Variants in CNR2 observed in about 807,000 individuals in gnomAD.
CNR2 encodes the protein cannabinoid receptor 2 (macrophage).
For missense variants in CNR2, 379 were observed against 439.9 expected (o/e 0.86, Z 1.24); for synonymous variants, 172 against 182.2 (o/e 0.94, Z 0.45).
In CNR2 at chr1:23,896,213, G is replaced by C. The variant is rs1477535799; in HGVS notation, c.-46+17033C>G. ...TTCCCCACCTTACTGGTGGAGTCTGGACCTTCTCACCGACAAGGATTTACC... is the reference window on the plus strand; with the variant it reads ...TTCCCCACCTTACTGGTGGAGTCTGCACCTTCTCACCGACAAGGATTTACC... On this transcript the variant is annotated intron_variant, in intron 1 of 1. Transcript: ENST00000374472. Among the ~76,000 whole-genome samples the C allele has an allele frequency of 2.0e-5, 3 of 152,110 alleles. No individual in the cohort carries two copies. In the East Asian group the frequency reaches 5.8e-4, roughly 29 times the overall value.
Position 23,889,323 on chromosome 1 carries a change from C to T in CNR2, c.-45-13661G>A, listed in dbSNP as rs114526930. 5.3e-3 allele frequency among the ~76,000 whole-genome samples: 800 copies of T among 152,274 alleles called. 5 individuals are homozygous for T. The highest frequency in any genetic ancestry group is 0.017 in the African/African-American group (700 of 41,546). ...GGTAAGGAAGAGAATGATACCCTGCCTGTGGCTACCACACCTACAGTGGGA... is the reference window on the plus strand; with the variant it reads ...GGTAAGGAAGAGAATGATACCCTGCTTGTGGCTACCACACCTACAGTGGGA... On this transcript the variant is annotated intron_variant, in intron 1 of 1. Coordinates refer to ENST00000374472, the MANE Select transcript of CNR2 (RefSeq NM_001841.3).
At chr1:23,878,634 C>T (rs1157835198) in intron 1 of CNR2, among the ~76,000 whole-genome samples, 1 of 152,196 alleles carries the variant, frequency 6.6e-6, no homozygotes, top group African/African-American at 2.4e-5. Flanking sequence ...CCACCTCGGC[C>T]TCCCAAAGTG....
intron 1 of CNR2, among the ~76,000 whole-genome samples, chr1:23,886,188 C>A (rs1173997858): frequency 1.9e-3 from 242 of 130,318 alleles, no homozygotes; most frequent in Non-Finnish European, 2.2e-3. Context: ...GACTCTATTT[C>A]AAAAAAAAAA....
chr1:23,885,397 G>A (rs1463039786), intron 1 of CNR2, among the ~76,000 whole-genome samples: 2 of 152,170 alleles, frequency 1.3e-5, no homozygotes, highest in African/African-American at 4.8e-5. Flanking sequence ...ATCCTACCCA[G>A]TGACCTCTTT....
At chr1:23,895,510 T>TTC (rs1269366870) in intron 1 of CNR2, among the ~76,000 whole-genome samples, 1 of 152,092 alleles carries the variant, frequency 6.6e-6, no homozygotes, top group Non-Finnish European at 1.5e-5. Context: ...GTCCTTTTTT[T>TTC]TCTCTCTCTT....
intron 1 of CNR2, among the ~76,000 whole-genome samples, chr1:23,890,359 C>T (rs1442211649): frequency 2.6e-5 from 4 of 151,716 alleles, no homozygotes; most frequent in Admixed American, 2.0e-4. Flanking sequence ...GCAGATAGAA[C>T]AATCCCTACT....
At chr1:23,893,968 A>G (rs1392026471) in intron 1 of CNR2, among the ~76,000 whole-genome samples, 1 of 151,988 alleles carries the variant, frequency 6.6e-6, no homozygotes, top group African/African-American at 2.4e-5. Context: ...AAAAAATACA[A>G]AAATTAGCTG....
chr1:23,874,361 G>T lies in CNR2; in HGVS notation c.*174C>A. The T allele has an allele frequency of 1.4e-6, 1 of 692,300 alleles. No homozygotes were observed. The highest frequency in any genetic ancestry group is 1.9e-5 in the South Asian group (1 of 53,138). 42.9% of individuals were successfully genotyped at this position (692,300 alleles called of 1,614,324 possible). A position where few individuals can be genotyped will look rare whatever the true frequency, so the allele number is the denominator to read the frequency against. On this transcript the variant is annotated 3_prime_UTR_variant, in exon 2 of 2. Transcript: ENST00000374472. ...CTATCCAACAGACTGTGTGCAGGTGGGCAAGGCCAGGCTGTCTTCCAGGAG... is the reference window on the plus strand; with the variant it reads ...CTATCCAACAGACTGTGTGCAGGTGTGCAAGGCCAGGCTGTCTTCCAGGAG...
Position 23,873,226 on chromosome 1 carries a change from AC to A in CNR2, c.*1308del. 1 of 146,434 alleles carries A rather than the reference AC, an allele frequency of 6.8e-6. No homozygotes were observed. Among genetic ancestry groups the A allele is most frequent in the South Asian group, 2.3e-4 (1 of 4,400 alleles). 9.1% of individuals were successfully genotyped at this position (146,434 alleles called of 1,614,324 possible). On this transcript the variant is annotated 3_prime_UTR_variant, in exon 2 of 2. Coordinates refer to ENST00000374472, the MANE Select transcript of CNR2 (RefSeq NM_001841.3). ...AGCCTCCCTCATATGAAAAATGAGT[AC>A]CCTGGGATCTATTTTATTTTATTTT... is the stretch of plus-strand genomic sequence containing the variant.
chr1:23,909,954 A>G (rs1004122789), intron 1 of CNR2, among the ~76,000 whole-genome samples: 13 of 149,672 alleles, frequency 8.7e-5, no homozygotes, highest in Non-Finnish European at 1.5e-4. Flanking sequence ...GACTGTGGAC[A>G]AGTCTCTCTC....
intron 1 of CNR2, among the ~76,000 whole-genome samples, chr1:23,884,083 G>GTTTTTA (rs1299812323): frequency 1.3e-5 from 2 of 151,102 alleles, no homozygotes; most frequent in African/African-American, 4.9e-5. Flanking sequence ...GTCTTTTTTT[G>GTTTTTA]TTTTTGTTTT....
At position 23,872,132 on chromosome 1, in the gene CNR2, CAAAAAAAAAAAA is replaced by C. The variant is rs60331310; in HGVS notation, c.*2391_*2402del. The C allele has an allele frequency of 6.5e-5, 3 of 46,414 alleles. No homozygotes were observed. The highest frequency in any genetic ancestry group is 3.9e-4 in the Admixed American group (1 of 2,532). 2.9% of individuals were successfully genotyped at this position (46,414 alleles called of 1,614,324 possible). A position where few individuals can be genotyped will look rare whatever the true frequency, so the allele number is the denominator to read the frequency against. The stretch of plus-strand genomic sequence containing the variant: ...TGGACAACAGAATGAGATTCCGTCT[CAAAAAAAAAAAA>C]AAAAAAAAAAAAGACACCAAGAGAC... On this transcript the variant is annotated 3_prime_UTR_variant, in exon 2 of 2. Coordinates refer to ENST00000374472, the MANE Select transcript of CNR2 (RefSeq NM_001841.3).
intron 1 of CNR2, among the ~76,000 whole-genome samples, chr1:23,882,577 G>A (rs974265825): frequency 1.3e-5 from 2 of 151,408 alleles, no homozygotes; most frequent in Admixed American, 6.6e-5. Flanking sequence ...AGGCCAAGGC[G>A]GGTGGATCAC....
In CNR2 at chr1:23,874,931, C is replaced by G; in HGVS notation, c.687G>C (p.Arg229Ser). The part of the protein sequence containing the change: ...HVASLSGHQD[R>S]QVPGMARMRL... ...TCATTCGGGCCATTCCTGGCACCTG[C>G]CTGTCCTGGTGGCCAGACAAGCTGG... The change falls in exon 2 of 2, where the codon AGG (arginine) becomes AGC (serine). Residue 229 changes from arginine (R) to serine (S), a missense_variant. Arg to Ser is a moderately radical substitution (Grantham distance 110). Coordinates refer to ENST00000374472, the MANE Select transcript of CNR2 (RefSeq NM_001841.3). 1 of 1,612,730 alleles carries G rather than the reference C, an allele frequency of 6.2e-7. No homozygotes were observed. Among genetic ancestry groups the G allele is most frequent in the Non-Finnish European group, 8.5e-7 (1 of 1,179,114 alleles).
chr1:23,910,367 G>A (rs1278508752), intron 1 of CNR2, among the ~76,000 whole-genome samples: 1 of 151,788 alleles, frequency 6.6e-6, no homozygotes, highest in East Asian at 1.9e-4. Context: ...ATGAGGAACG[G>A]TCACAGAGCT....
At chr1:23,884,804 A>ATTT (rs34296408) in intron 1 of CNR2, among the ~76,000 whole-genome samples, 3 of 149,154 alleles carry the variant, frequency 2.0e-5, no homozygotes, top group Non-Finnish European at 3.0e-5. Flanking sequence ...CTCAAAAACA[A>ATTT]TTTTTTTTTT....
At chr1:23,906,435 C>A (rs754611136) in intron 1 of CNR2, among the ~76,000 whole-genome samples, 1 of 151,314 alleles carries the variant, frequency 6.6e-6, no homozygotes. Context: ...TTCTATGGCC[C>A]ATGAAAAAGG....
At chr1:23,902,884 G>T in intron 1 of CNR2, 1 of 1,155,138 alleles carries the variant, frequency 8.7e-7, no homozygotes, top group South Asian at 4.2e-5. Context: ...CCGCGGCCGC[G>T]GCGCTGGCGG....
intron 1 of CNR2, among the ~76,000 whole-genome samples, chr1:23,882,651 C>CAAAAAA (rs34245051): frequency 1.8e-5 from 2 of 112,678 alleles, no homozygotes; most frequent in Non-Finnish European, 3.4e-5. Context: ...ACTAAAAATA[C>CAAAAAA]AAAAAAAAAA....
Sources: allele counts gnomAD v4.1 joint callset (sites outside exome capture counted in the v4.1 genomes callset), GRCh38; gene constraint gnomAD v4.1.1; transcripts MANE v1.5; gene names NCBI Gene and HGNC (gene_info 2026-07-23, HGNC 2026-07-21).